The following LDLRAD4 variants were observed in gnomAD, a reference collection of about 807,000 sequenced individuals.
LDLRAD4 encodes low density lipoprotein receptor class A domain containing 4.
Under a neutral mutation model 17.0 loss-of-function variants are expected in LDLRAD4, and 5 were observed. That is an observed-to-expected ratio of 0.29 (90% CI 0.15 to 0.62). LDLRAD4 has a LOEUF of 0.62. Among genes scored for constraint, LDLRAD4 ranks in the 20% least tolerant of loss-of-function variants. The probability of loss-of-function intolerance (pLI) is 0.84; values close to 1 mark genes in which losing one functional copy is unlikely to be tolerated. For synonymous variants in LDLRAD4, 168 were observed against 171.8 expected, an observed-to-expected ratio of 0.98 and a Z score of 0.17; for missense variants, 340 against 424.7, an observed-to-expected ratio of 0.80 and a Z score of 1.75.
chr18:13,480,466 GT>G (rs2093055267), intron 3 of LDLRAD4, among the ~76,000 whole-genome samples: 1 of 152,202 alleles, frequency 6.6e-6, no homozygotes, highest in Non-Finnish European at 1.5e-5. Context: ...AGCCTATTCT[GT>G]ATGGTACTGT....
chr18:13,377,679 T>C (rs2085025942), intron 1 of LDLRAD4, among the ~76,000 whole-genome samples: 1 of 152,228 alleles, frequency 6.6e-6, no homozygotes, highest in Non-Finnish European at 1.5e-5. Flanking sequence ...TTTGTCATAA[T>C]GGACATACTC....
intron 3 of LDLRAD4, among the ~76,000 whole-genome samples, chr18:13,463,403 A>G (rs2092506077): frequency 6.6e-6 from 1 of 152,196 alleles, no homozygotes. Context: ...CACCTGCCTG[A>G]CGAAGGGAAC....
At chr18:13,572,124 A>T (rs761590756) in intron 3 of LDLRAD4, among the ~76,000 whole-genome samples, 4 of 152,224 alleles carry the variant, frequency 2.6e-5, no homozygotes, top group Non-Finnish European at 5.9e-5. Flanking sequence ...GTTGAAGGAA[A>T]CAGCGTTACC....
intron 3 of LDLRAD4, among the ~76,000 whole-genome samples, chr18:13,541,086 C>T (rs2094275776): frequency 6.6e-6 from 1 of 152,158 alleles, no homozygotes; most frequent in Admixed American, 6.5e-5. Flanking sequence ...CCCTCAGAGG[C>T]CCACACACAC....
chr18:13,255,547 A>G (rs1046133699), intron 1 of LDLRAD4, among the ~76,000 whole-genome samples: 2 of 152,176 alleles, frequency 1.3e-5, no homozygotes, highest in East Asian at 3.9e-4. Flanking sequence ...ATGTGTGGGT[A>G]TGTGTGATTT....
At chr18:13,309,908 A>G (rs1322073091) in intron 1 of LDLRAD4, among the ~76,000 whole-genome samples, 1 of 152,174 alleles carries the variant, frequency 6.6e-6, no homozygotes, top group Non-Finnish European at 1.5e-5. Flanking sequence ...TAATTCTGTC[A>G]CTGAACTTCA....
intron 4 of LDLRAD4, among the ~76,000 whole-genome samples, chr18:13,624,995 G>T (rs2041001509): frequency 6.6e-6 from 1 of 152,200 alleles, no homozygotes; most frequent in Non-Finnish European, 1.5e-5. Context: ...CAATGTCCGA[G>T]GCCTTTCTCC....
intron 1 of LDLRAD4, among the ~76,000 whole-genome samples, chr18:13,232,141 G>A (rs1028728567): frequency 1.8e-4 from 27 of 152,242 alleles, no homozygotes; most frequent in Admixed American, 6.5e-4. Flanking sequence ...GGAGTGTGGC[G>A]CGAGTACGGT....
chr18:13,250,554 A>G (rs1489886567), intron 1 of LDLRAD4, among the ~76,000 whole-genome samples: 2 of 152,212 alleles, frequency 1.3e-5, no homozygotes, highest in Non-Finnish European at 2.9e-5. Context: ...GTGAAACATC[A>G]CAATGGATAC....
intron 4 of LDLRAD4, among the ~76,000 whole-genome samples, chr18:13,624,667 G>A (rs2040961762): frequency 6.6e-6 from 1 of 152,202 alleles, no homozygotes; most frequent in African/African-American, 2.4e-5. Context: ...TGTGCAGTTG[G>A]CGAGGGCAGT....
Position 13,567,143 on chromosome 18 carries a change from A to G in LDLRAD4, c.182-53974A>G, listed in dbSNP as rs142362771. ...GTTGCTCTGGTTTGCCTTGGTCAATATTAATCATTTCCCCCTGCCTCCCAG... is the reference window on the plus strand; with the variant it reads ...GTTGCTCTGGTTTGCCTTGGTCAATGTTAATCATTTCCCCCTGCCTCCCAG... On this transcript the variant is annotated intron_variant, in intron 3 of 5. Coordinates refer to ENST00000359446, the Ensembl canonical transcript of LDLRAD4. Among the ~76,000 whole-genome samples the G allele has an allele frequency of 2.2e-3, 342 of 152,328 alleles. 2 individuals are homozygous for G. Among genetic ancestry groups the G allele is most frequent in the Non-Finnish European group, 4.0e-3 (270 of 68,022 alleles).
At chr18:13,287,805 A>G (rs1358107575) in intron 1 of LDLRAD4, among the ~76,000 whole-genome samples, 1 of 152,256 alleles carries the variant, frequency 6.6e-6, no homozygotes, top group African/African-American at 2.4e-5. Context: ...TAAGCTTCCT[A>G]CAATTTAGAA....
At chr18:13,598,802 C>G (rs943603985) in intron 3 of LDLRAD4, among the ~76,000 whole-genome samples, 3 of 152,212 alleles carry the variant, frequency 2.0e-5, no homozygotes, top group Non-Finnish European at 4.4e-5. Flanking sequence ...AGTTGATGCT[C>G]CACAGCTGGA....
intron 1 of LDLRAD4, among the ~76,000 whole-genome samples, chr18:13,260,815 G>C (rs1223934217): frequency 2.6e-5 from 4 of 152,182 alleles, no homozygotes; most frequent in Admixed American, 6.5e-5. Context: ...CTAAGGGCAG[G>C]GAGCTCATCT....
rs180754273 is a variant in LDLRAD4, at chr18:13,569,007, A to G, written c.182-52110A>G. Among the ~76,000 whole-genome samples the G allele has an allele frequency of 5.9e-5, 9 of 152,296 alleles. No homozygotes were observed. In the East Asian group the frequency reaches 1.5e-3, roughly 26 times the overall value. On this transcript the variant is annotated intron_variant, in intron 3 of 5. Coordinates refer to ENST00000359446, the Ensembl canonical transcript of LDLRAD4. ...CCAATGTGATGTTTGTAGGCACCCC[A>G]TGAATAAACATTTTATGAATGAGTT...
At chr18:13,533,578 T>TA in intron 3 of LDLRAD4, among the ~76,000 whole-genome samples, 1 of 152,340 alleles carries the variant, frequency 6.6e-6, no homozygotes, top group Non-Finnish European at 1.5e-5. Context: ...AAATTGTACT[T>TA]ACAAACGGTA....
At chr18:13,225,794 A>T (rs531350004) in intron 1 of LDLRAD4, among the ~76,000 whole-genome samples, 1 of 152,290 alleles carries the variant, frequency 6.6e-6, no homozygotes, top group South Asian at 2.1e-4. Flanking sequence ...AAAGTCATTT[A>T]TGTACTTTTT....
intron 3 of LDLRAD4, chr18:13,543,505 C>G (rs932154318): frequency 8.5e-5 from 13 of 152,140 alleles, no homozygotes; most frequent in African/African-American, 1.9e-4. Context: ...GTTTTAGAAT[C>G]CTGAAGGAGG....
intron 3 of LDLRAD4, among the ~76,000 whole-genome samples, chr18:13,463,627 CT>C (rs1270207093): frequency 6.6e-6 from 1 of 152,176 alleles, no homozygotes; most frequent in Non-Finnish European, 1.5e-5. Flanking sequence ...GATTCTGATA[CT>C]TATTTCTAAT....
Sources: gnomAD v4.1 joint callset for allele counts (sites outside exome capture counted in the v4.1 genomes callset) on GRCh38, gnomAD v4.1.1 for gene constraint, MANE v1.5 for transcripts, NCBI Gene and HGNC (gene_info 2026-07-23, HGNC 2026-07-21) for gene names.